PHACTR1: variants seen among roughly 807,000 people sequenced by gnomAD.
PHACTR1 encodes the protein RPEL repeat containing 1.
PHACTR1 carries 16 observed loss-of-function variants against 69.2 expected under a neutral mutation model. The observed-to-expected ratio is 0.23, with a 90% CI of 0.16 to 0.35. The LOEUF (loss-of-function observed/expected upper bound fraction) is 0.35, where lower values mean the gene tolerates loss of function less well. Among genes scored for constraint, PHACTR1 ranks in the 10% least tolerant of loss-of-function variants. The pLI, the probability that PHACTR1 is intolerant of heterozygous loss-of-function variation, is 1.00. For synonymous variants in PHACTR1, 312 were observed against 284.5 expected, an observed-to-expected ratio of 1.10 and a Z score of -0.97; for missense variants, 510 against 734.7, an observed-to-expected ratio of 0.69 and a Z score of 3.54.
At chr6:13,003,272 C>T (rs1479909545) in intron 4 of PHACTR1, among the ~76,000 whole-genome samples, 1 of 152,114 alleles carries the variant, frequency 6.6e-6, no homozygotes, top group Non-Finnish European at 1.5e-5. Context: ...ATGTTTCATT[C>T]ATTTTTTATC....
chr6:13,231,562 A>G (rs1771207051), intron 10 of PHACTR1, among the ~76,000 whole-genome samples: 1 of 152,234 alleles, frequency 6.6e-6, no homozygotes, highest in South Asian at 2.1e-4. Flanking sequence ...GATTAAGCAC[A>G]AAGCAATCAG....
chr6:13,105,909 A>T (rs368691512), intron 5 of PHACTR1, among the ~76,000 whole-genome samples: 2 of 152,156 alleles, frequency 1.3e-5, no homozygotes, highest in East Asian at 3.9e-4. Flanking sequence ...GGGCTGATAT[A>T]AAGTTGTTTA....
At chr6:12,800,471 C>T (rs769040048) in intron 4 of PHACTR1, among the ~76,000 whole-genome samples, 1 of 152,046 alleles carries the variant, frequency 6.6e-6, no homozygotes, top group Non-Finnish European at 1.5e-5. Flanking sequence ...CATTGTATGC[C>T]ATTGTTTTTT....
chr6:13,211,777 G>A (rs1766883725), intron 8 of PHACTR1, among the ~76,000 whole-genome samples: 4 of 152,112 alleles, frequency 2.6e-5, no homozygotes, highest in African/African-American at 9.7e-5. Flanking sequence ...GCCTTGCCTG[G>A]CTTACTGCAG....
At chr6:13,026,066 G>T (rs1034196785) in intron 4 of PHACTR1, among the ~76,000 whole-genome samples, 2 of 152,160 alleles carry the variant, frequency 1.3e-5, no homozygotes, top group African/African-American at 4.8e-5. Context: ...AGCGTGCATT[G>T]CTAACTCCAA....
chr6:12,839,843 A>C (rs1355072251), intron 4 of PHACTR1, among the ~76,000 whole-genome samples: 2 of 152,206 alleles, frequency 1.3e-5, no homozygotes, highest in Non-Finnish European at 2.9e-5. Flanking sequence ...GCAGAAGGTG[A>C]AAACAGTGCC....
chr6:13,267,802 C>G (rs1486910970), intron 10 of PHACTR1: 1 of 129,686 alleles, frequency 7.7e-6, no homozygotes, highest in Non-Finnish European at 1.6e-5. Flanking sequence ...GCCAGCGTCT[C>G]AAACTCAGAG....
At chr6:13,231,461 AAGG>A (rs1203976177) in intron 10 of PHACTR1, among the ~76,000 whole-genome samples, 2 of 148,612 alleles carry the variant, frequency 1.3e-5, no homozygotes, top group African/African-American at 5.1e-5. Context: ...GGAAAGAAGG[AAGG>A]AAGGAAGGAA....
Position 13,131,190 on chromosome 6 carries a change from CACAT to C in PHACTR1, c.416-29012_416-29009del, listed in dbSNP as rs1374711837. 2.5e-4 allele frequency among the ~76,000 whole-genome samples: 15 copies of C among 60,824 alleles called. No homozygotes were observed. The South Asian group carries it at 3.0e-3, about 12-fold the overall frequency. 39.9% of individuals were successfully genotyped at this position (60,824 alleles called of 152,430 possible). A position where few individuals can be genotyped will look rare whatever the true frequency, so the allele number is the denominator to read the frequency against. On this transcript the variant is annotated intron_variant, in intron 5 of 14. Coordinates refer to ENST00000332995, the MANE Select transcript of PHACTR1 (RefSeq NM_030948.6). ...ATATGTGTGTATATACACACACACA[CACAT>C]ATATATATACACATACACACACACA...
chr6:13,025,977 C>T (rs1426029091), intron 4 of PHACTR1, among the ~76,000 whole-genome samples: 1 of 152,000 alleles, frequency 6.6e-6, no homozygotes, highest in Non-Finnish European at 1.5e-5. Context: ...CAAAATGCAC[C>T]CCTGGTTTTA....
intron 4 of PHACTR1, among the ~76,000 whole-genome samples, chr6:13,018,905 G>T (rs981480081): frequency 3.3e-5 from 5 of 151,916 alleles, no homozygotes; most frequent in Non-Finnish European, 4.4e-5. Flanking sequence ...TTGAGATAGG[G>T]TCTCACTCTG....
intron 8 of PHACTR1, among the ~76,000 whole-genome samples, chr6:13,227,229 C>T (rs1030244285): frequency 6.6e-6 from 1 of 152,090 alleles, no homozygotes; most frequent in African/African-American, 2.4e-5. Context: ...GGTCTCCAGC[C>T]TTGTGTCCAT....
At chr6:12,798,570 A>G (rs140941359) in intron 4 of PHACTR1, among the ~76,000 whole-genome samples, 20 of 152,352 alleles carry the variant, frequency 1.3e-4, no homozygotes, top group African/African-American at 7.2e-5. Context: ...GACCAATTTA[A>G]AGTCAGTGCC....
intron 10 of PHACTR1, among the ~76,000 whole-genome samples, chr6:13,261,555 T>A (rs1182831885): frequency 6.6e-6 from 1 of 151,938 alleles, no homozygotes; most frequent in Non-Finnish European, 1.5e-5. Context: ...TGTGCAGGGG[T>A]GGAGTAGGAG....
intron 10 of PHACTR1, among the ~76,000 whole-genome samples, chr6:13,261,538 G>A (rs1422650167): frequency 1.3e-5 from 2 of 152,200 alleles, no homozygotes; most frequent in Non-Finnish European, 1.5e-5. Flanking sequence ...CAAGCAGGAA[G>A]CCCTTCTGTG....
At chr6:12,823,949 C>G (rs747012228) in intron 4 of PHACTR1, among the ~76,000 whole-genome samples, 8 of 152,096 alleles carry the variant, frequency 5.3e-5, no homozygotes, top group Non-Finnish European at 1.2e-4. Context: ...ATTCTATTGC[C>G]TACCTCAGAG....
At chr6:13,196,420 CTT>C in intron 7 of PHACTR1, 24 of 136,530 alleles carry the variant, frequency 1.8e-4, no homozygotes, top group South Asian at 1.5e-3. Context: ...GGTTTTCTTT[CTT>C]TTTTTTTTTG....
Position 12,980,869 on chromosome 6 carries a change from C to T in PHACTR1, c.251-72496C>T, listed in dbSNP as rs552322233. ...AAATCCCCAAGTAGGACTGAATCTG[C>T]CTACACGATGTCTTTAAAATAAAAC... On this transcript the variant is annotated intron_variant, in intron 4 of 14. Coordinates refer to ENST00000332995, the MANE Select transcript of PHACTR1 (RefSeq NM_030948.6). Among the ~76,000 whole-genome samples, 8 of 152,326 alleles carry T rather than the reference C, an allele frequency of 5.3e-5. No homozygotes were observed. In the East Asian group the frequency reaches 7.7e-4, roughly 15 times the overall value.
At chr6:13,181,938 A>G (rs905716960) in intron 6 of PHACTR1, among the ~76,000 whole-genome samples, 6 of 152,234 alleles carry the variant, frequency 3.9e-5, no homozygotes, top group Non-Finnish European at 8.8e-5. Flanking sequence ...TATTTTTAAA[A>G]ATACATAGAA....
Sources: allele counts gnomAD v4.1 joint callset (sites outside exome capture counted in the v4.1 genomes callset), GRCh38; gene constraint gnomAD v4.1.1; transcripts MANE v1.5; gene names NCBI Gene and HGNC (gene_info 2026-07-23, HGNC 2026-07-21).